Variants in CAND1 observed in about 807,000 individuals in gnomAD.
The protein encoded by CAND1 is cullin associated and neddylation dissociated 1.
In CAND1, 7 loss-of-function variants were observed where a neutral mutation model predicts 108.5. The observed-to-expected ratio is 0.06, with a 90% confidence interval of 0.04 to 0.12. The LOEUF is 0.12. Ranked by LOEUF, CAND1 falls within the 10% of genes least tolerant of loss-of-function variation. CAND1 has a pLI of 1.00. For missense variants in CAND1, 941 were observed against 1,448.7 expected (o/e 0.65, Z 5.69); for synonymous variants, 534 against 512.0 (o/e 1.04, Z -0.58).
At chr12:67,290,058 G>T (rs767835086) in intron 2 of CAND1, among the ~76,000 whole-genome samples, 1 of 152,016 alleles carries the variant, frequency 6.6e-6, no homozygotes, top group Non-Finnish European at 1.5e-5. Flanking sequence ...TATCATAGGT[G>T]GTTATTTTTC....
At chr12:67,288,208 T>C (rs2044690504) in intron 2 of CAND1, among the ~76,000 whole-genome samples, 1 of 151,626 alleles carries the variant, frequency 6.6e-6, no homozygotes, top group East Asian at 1.9e-4. Context: ...CTGTGCTCAC[T>C]GCAACCTCCA....
chr12:67,276,261 C>G (rs1152898), intron 1 of CAND1, among the ~76,000 whole-genome samples: 1 of 152,050 alleles, frequency 6.6e-6, no homozygotes, highest in African/African-American at 2.4e-5. Context: ...CTAAAATCCC[C>G]AACAGTCTCC....
chr12:67,295,225 C>A, intron 4 of CAND1, 69 bp downstream of exon 4: 1 of 1,359,760 alleles, frequency 7.4e-7, no homozygotes, highest in Non-Finnish European at 1.0e-6. Flanking sequence ...AAAACCCTTT[C>A]TAGTAAATAT....
intron 1 of CAND1, chr12:67,270,468 GT>G (rs948613676): frequency 1.7e-4 from 26 of 152,326 alleles, no homozygotes; most frequent in African/African-American, 6.3e-4. Flanking sequence ...GGAACTCGGG[GT>G]TTCAGTCTCA....
chr12:67,280,534 A>G lies in CAND1; in HGVS notation c.69-1376A>G, dbSNP rs557654971. Among the ~76,000 whole-genome samples the G allele has an allele frequency of 2.6e-5, 4 of 152,312 alleles. No homozygotes were observed. The South Asian group carries it at 8.3e-4, about 32-fold the overall frequency. Reference sequence around the variant, plus strand: ...ACTAAAACTGTATCTGGTTCAAATAAAAGAAAAAAGTGTTAACTAGTTATC... The same window carrying G: ...ACTAAAACTGTATCTGGTTCAAATAGAAGAAAAAAGTGTTAACTAGTTATC... On this transcript the variant is annotated intron_variant, in intron 1 of 14. Coordinates refer to ENST00000545606, the MANE Select transcript of CAND1 (RefSeq NM_018448.5).
Position 67,306,450 on chromosome 12 carries a change from T to C in CAND1, c.2782T>C (p.Tyr928His), listed in dbSNP as rs781440721. The change falls in exon 10 of 15, where the codon TAT becomes CAT. Residue 928 changes from tyrosine (Y) to histidine (H), a missense_variant. By Grantham distance (83) the Tyr-to-His change is moderately conservative. Transcript: ENST00000545606. ...SSASVVGLKP[Y>H]VENIWALLLK... ...TGCATCAGTGGTGGGCCTTAAACCATATGTTGAAAACATCTGGGCCTTATT... is the reference window on the plus strand; with the variant it reads ...TGCATCAGTGGTGGGCCTTAAACCACATGTTGAAAACATCTGGGCCTTATT... 5.0e-6 allele frequency: 8 copies of C among 1,614,038 alleles called. No individual in the cohort carries two copies. Among genetic ancestry groups the C allele is most frequent in the Non-Finnish European group, 6.8e-6 (8 of 1,179,950 alleles).
chr12:67,302,236 T>G, intron 7 of CAND1, 87 bp from the exon 8 acceptor site: 1 of 1,220,962 alleles, frequency 8.2e-7, no homozygotes, highest in East Asian at 2.3e-5. Flanking sequence ...TTAACTGATT[T>G]GGTTAAGAAT....
rs553583802 is a variant in CAND1, at chr12:67,302,674, G to A, written c.1293+59G>A. The A allele has an allele frequency of 2.7e-5, 39 of 1,455,432 alleles. No homozygotes were observed. The South Asian group carries it at 4.9e-4, about 18-fold the overall frequency. 90.2% of individuals were successfully genotyped at this position (1,455,432 alleles called of 1,614,324 possible). On this transcript the variant is annotated intron_variant, in intron 8 of 14. Coordinates refer to ENST00000545606, the MANE Select transcript of CAND1 (RefSeq NM_018448.5). Reference sequence around the variant, plus strand: ...TAGTAAATGCAATGCTTTTAAAATTGTCTTTATATGGAAAGGTGAGTTCCA... The same window carrying A: ...TAGTAAATGCAATGCTTTTAAAATTATCTTTATATGGAAAGGTGAGTTCCA...
At position 67,295,013 on chromosome 12, in the gene CAND1, T is replaced by G; in HGVS notation, c.368-20T>G. On this transcript the variant is annotated intron_variant, in intron 3 of 14. Coordinates refer to ENST00000545606, the MANE Select transcript of CAND1 (RefSeq NM_018448.5). ...CAACATGCTTGCCTTGAAATTATTA[T>G]TGGCTTCTTATTCATGCAGGCTCTG... 6.2e-7 allele frequency: 1 copy of G among 1,603,142 alleles called. No homozygotes were observed. Among genetic ancestry groups the G allele is most frequent in the Non-Finnish European group, 8.5e-7 (1 of 1,174,994 alleles).
intron 6 of CAND1, 55 bp from the exon 7 acceptor site, chr12:67,298,895 A>G (rs1339281295): frequency 2.9e-6 from 3 of 1,039,384 alleles, no homozygotes; most frequent in South Asian, 2.6e-5. Flanking sequence ...GTGGCAGGTA[A>G]TGAATCAAGG....
intron 8 of CAND1, 139 bp downstream of exon 8, chr12:67,302,754 G>T: frequency 1.5e-6 from 1 of 653,642 alleles, no homozygotes; most frequent in South Asian, 2.1e-5. Flanking sequence ...GTTAATGCAT[G>T]TTCATATTAT....
intron 13 of CAND1, 150 bp downstream of exon 13, chr12:67,310,466 T>C: frequency 1.8e-6 from 1 of 565,268 alleles, no homozygotes; most frequent in South Asian, 2.4e-5. Context: ...AGTGCAAAAG[T>C]AATAGGCAGT....
At chr12:67,269,901 A>G in intron 1 of CAND1, 116 bp downstream of exon 1, 1 of 804,674 alleles carries the variant, frequency 1.2e-6, no homozygotes. Context: ...TCTGCCCCGA[A>G]GTCTCCAGCC....
At chr12:67,297,161 G>T in intron 4 of CAND1, 4 of 540,034 alleles carry the variant, frequency 7.4e-6, no homozygotes, top group East Asian at 3.3e-5. Flanking sequence ...TCCTATAATT[G>T]GGGATTTAGG....
chr12:67,275,046 A>C (rs146123966), intron 1 of CAND1, among the ~76,000 whole-genome samples: 79 of 152,314 alleles, frequency 5.2e-4, no homozygotes, highest in African/African-American at 1.9e-3. Flanking sequence ...AAAAATACTT[A>C]GAAGGTTGAT....
chr12:67,307,160 A>G (rs558739725), intron 10 of CAND1, among the ~76,000 whole-genome samples: 1 of 152,244 alleles, frequency 6.6e-6, no homozygotes, highest in African/African-American at 2.4e-5. Flanking sequence ...TGCTGCTTCA[A>G]GTCCCTCCTT....
intron 4 of CAND1, among the ~76,000 whole-genome samples, chr12:67,296,242 T>G (rs2044767593): frequency 2.0e-5 from 3 of 152,016 alleles, no homozygotes; most frequent in Admixed American, 2.0e-4. Context: ...TGGGTAGTAG[T>G]GACTCATTGA....
rs780219244 is a variant in CAND1 at position 67,297,658 on chromosome 12, G to A, written c.743G>A (p.Arg248Lys). The A allele has an allele frequency of 6.2e-7, 1 of 1,609,368 alleles. No individual in the cohort carries two copies. Among genetic ancestry groups the A allele is most frequent in the Non-Finnish European group, 8.5e-7 (1 of 1,177,866 alleles). ...GCTATTAGTAGGCAAGCTGGTCATAGAATAGGTAAGAAATCTTTAAAAGTT... is the reference window on the plus strand; with the variant it reads ...GCTATTAGTAGGCAAGCTGGTCATAAAATAGGTAAGAAATCTTTAAAAGTT... The part of the protein sequence containing the change: ...IAAISRQAGH[R>K]IGEYLEKIIP... Residue 248 changes from arginine to lysine, a missense_variant, in exon 5 of 15, where the codon AGA becomes AAA. Physicochemically the swap from Arg to Lys is conservative, Grantham distance 26. Transcript: ENST00000545606.
intron 8 of CAND1, among the ~76,000 whole-genome samples, chr12:67,303,214 T>G (rs1013563897): frequency 2.0e-5 from 3 of 152,144 alleles, no homozygotes; most frequent in Non-Finnish European, 4.4e-5. Flanking sequence ...ATACCAGGCA[T>G]TCTCCTATCT....
Sources: allele counts gnomAD v4.1 joint callset (sites outside exome capture counted in the v4.1 genomes callset), GRCh38; gene constraint gnomAD v4.1.1; transcripts MANE v1.5; gene names NCBI Gene and HGNC (gene_info 2026-07-23, HGNC 2026-07-21).